MYRFL: variants seen among roughly 807,000 people sequenced by gnomAD.
MYRFL encodes myelin regulatory factor-like protein.
A neutral mutation model predicts 109.4 loss-of-function variants in MYRFL; 88 were observed. The observed-to-expected ratio is 0.80, with a 90% CI of 0.68 to 0.96. MYRFL has a LOEUF of 0.96. Among genes scored for constraint, MYRFL ranks in the 40% least tolerant of loss-of-function variants. The pLI is 0.00. For synonymous variants in MYRFL, 324 were observed against 320.9 expected (o/e 1.01, Z -0.10); for missense variants, 957 against 954.9 (o/e 1.00, Z -0.03).
chr12:69,924,864 T>C (rs1485257120), intron 13 of MYRFL, among the ~76,000 whole-genome samples: 2 of 152,222 alleles, frequency 1.3e-5, no homozygotes, highest in Non-Finnish European at 2.9e-5. Context: ...ACATCCCAAA[T>C]ACAAAGGTTT....
chr12:69,840,526 G>C (rs1030164800), intron 1 of MYRFL, among the ~76,000 whole-genome samples: 1 of 152,168 alleles, frequency 6.6e-6, no homozygotes, highest in African/African-American at 2.4e-5. Flanking sequence ...CCTGCCTGTT[G>C]ACTTCCCTGT....
At chr12:69,850,615 A>AAT (rs1266192987) in intron 1 of MYRFL, among the ~76,000 whole-genome samples, 1 of 152,078 alleles carries the variant, frequency 6.6e-6, no homozygotes, top group African/African-American at 2.4e-5. Context: ...GTGGTGAGAT[A>AAT]ATTAGTATTA....
chr12:69,920,103 A>C (rs1260008848), intron 13 of MYRFL, among the ~76,000 whole-genome samples: 3 of 152,140 alleles, frequency 2.0e-5, no homozygotes, highest in African/African-American at 7.2e-5. Flanking sequence ...GGATTTCCTG[A>C]AGTGGGTGAG....
intron 19 of MYRFL, 83 bp downstream of exon 19, chr12:69,936,715 A>C: frequency 8.1e-7 from 1 of 1,239,654 alleles, no homozygotes; most frequent in Non-Finnish European, 1.1e-6. Flanking sequence ...ATGGTCATTA[A>C]TGGTTCCAGA....
intron 1 of MYRFL, among the ~76,000 whole-genome samples, chr12:69,830,793 C>G (rs1882585464): frequency 6.6e-6 from 1 of 152,084 alleles, no homozygotes; most frequent in Admixed American, 6.6e-5. Flanking sequence ...CCTTTGTCAC[C>G]TGCCCACGCT....
chr12:69,891,671 T>TTC (rs1183512392), intron 7 of MYRFL, among the ~76,000 whole-genome samples: 1 of 111,448 alleles, frequency 9.0e-6, no homozygotes, highest in Non-Finnish European at 1.8e-5. Flanking sequence ...CTTTCTTTCT[T>TTC]TCTTTCTTTC....
intron 2 of MYRFL, among the ~76,000 whole-genome samples, chr12:69,876,994 G>A (rs1244630691): frequency 1.0e-5 from 1 of 96,044 alleles, no homozygotes; most frequent in Non-Finnish European, 2.4e-5. Flanking sequence ...CTAATATAAG[G>A]GTCCAGGTCT....
chr12:69,836,840 T>C (rs1279350508), intron 1 of MYRFL, among the ~76,000 whole-genome samples: 1 of 152,206 alleles, frequency 6.6e-6, no homozygotes, highest in South Asian at 2.1e-4. Flanking sequence ...TCCTCCCCTT[T>C]GCTGGCTTTT....
At chr12:69,950,564 C>T (rs1445712700) in intron 19 of MYRFL, among the ~76,000 whole-genome samples, 11 of 152,088 alleles carry the variant, frequency 7.2e-5, no homozygotes, top group Admixed American at 7.2e-4. Context: ...TTCATATGAG[C>T]CAGGCTTCAG....
At position 69,953,812 on chromosome 12, in the gene MYRFL, TATTTTTCTTAATTTGATAACTGTTTCTTA is replaced by T. The variant is rs1256041894; in HGVS notation, c.2375+927_2375+955del. 9.3e-5 allele frequency among the ~76,000 whole-genome samples: 13 copies of T among 139,246 alleles called. No homozygotes were observed. In the East Asian group the frequency reaches 2.5e-3, roughly 27 times the overall value. 91.4% of individuals were successfully genotyped at this position (139,246 alleles called of 152,430 possible). On this transcript the variant is annotated intron_variant, in intron 21 of 24. Coordinates refer to ENST00000552032, the MANE Select transcript of MYRFL (RefSeq NM_182530.3). ...ACACACACACACGGAATGGGGGAGTTATTTTTCTTAATTTGATAACTGTTTCTTAGGCACCTCCTAGATTAAAGGCAAGG... is the reference window on the plus strand; with the variant it reads ...ACACACACACACGGAATGGGGGAGTTGGCACCTCCTAGATTAAAGGCAAGG...
intron 19 of MYRFL, among the ~76,000 whole-genome samples, chr12:69,947,471 C>T (rs1955867248): frequency 6.6e-6 from 1 of 152,114 alleles, no homozygotes; most frequent in East Asian, 1.9e-4. Context: ...TAAGGCTAAT[C>T]AGGAAGTGGA....
intron 2 of MYRFL, among the ~76,000 whole-genome samples, chr12:69,876,735 A>G (rs1885686984): frequency 6.6e-6 from 1 of 152,198 alleles, no homozygotes; most frequent in Non-Finnish European, 1.5e-5. Flanking sequence ...TTTCTTGGGA[A>G]CATTATTCCA....
intron 2 of MYRFL, 141 bp downstream of exon 2, chr12:69,855,511 C>T: frequency 9.1e-6 from 5 of 546,662 alleles, no homozygotes; most frequent in Non-Finnish European, 1.6e-5. Flanking sequence ...GGATCTTTGA[C>T]AAATATCACC....
At chr12:69,843,199 C>A (rs902475864) in intron 1 of MYRFL, among the ~76,000 whole-genome samples, 9 of 152,190 alleles carry the variant, frequency 5.9e-5, no homozygotes, top group African/African-American at 2.2e-4. Context: ...TTTTCTTCCT[C>A]TCCTCTTCCT....
intron 13 of MYRFL, among the ~76,000 whole-genome samples, chr12:69,917,430 T>C (rs906357008): frequency 2.7e-5 from 4 of 150,294 alleles, no homozygotes; most frequent in African/African-American, 9.8e-5. Context: ...ATTAGTTGTA[T>C]GAGAGCAGAA....
intron 13 of MYRFL, among the ~76,000 whole-genome samples, chr12:69,925,725 C>G (rs1955054754): frequency 6.6e-6 from 1 of 152,060 alleles, no homozygotes; most frequent in South Asian, 2.1e-4. Flanking sequence ...GTTGGTCTCC[C>G]CTTTCTTTTT....
intron 15 of MYRFL, 116 bp downstream of exon 15, chr12:69,927,864 T>A (rs180755556): frequency 2.2e-6 from 2 of 916,728 alleles, no homozygotes; most frequent in East Asian, 5.3e-5. Context: ...CTAGTTTGCA[T>A]CCTTATGTAC....
Position 69,959,087 on chromosome 12 carries a change from A to G in MYRFL, c.*556A>G, listed in dbSNP as rs1168149365. On this transcript the variant is annotated 3_prime_UTR_variant, in exon 25 of 25. Transcript: ENST00000552032. ...TGTAGTTTGTTAATCAAATGGATTT[A>G]AGAGAAATAATTGCAACTCTGCTTT... is the stretch of plus-strand genomic sequence containing the variant. The G allele has an allele frequency of 6.5e-6, 1 of 153,224 alleles. No individual in the cohort carries two copies. Among genetic ancestry groups the G allele is most frequent in the Non-Finnish European group, 1.5e-5 (1 of 68,874 alleles). 9.5% of individuals were successfully genotyped at this position (153,224 alleles called of 1,614,324 possible). A position where few individuals can be genotyped will look rare whatever the true frequency, so the allele number is the denominator to read the frequency against.
At chr12:69,869,264 A>G (rs1885202981) in intron 2 of MYRFL, among the ~76,000 whole-genome samples, 1 of 152,208 alleles carries the variant, frequency 6.6e-6, no homozygotes, top group African/African-American at 2.4e-5. Flanking sequence ...TGGTGATAAT[A>G]AAAAGCAGAC....
Sources: allele counts gnomAD v4.1 joint callset (sites outside exome capture counted in the v4.1 genomes callset), GRCh38; gene constraint gnomAD v4.1.1; transcripts MANE v1.5; gene names NCBI Gene and HGNC (gene_info 2026-07-23, HGNC 2026-07-21).